SNX32: variants seen among roughly 807,000 people sequenced by gnomAD.
SNX32 encodes the protein sorting nexin 32.
In SNX32, 58 loss-of-function variants were observed where a neutral mutation model predicts 57.0. That is an observed-to-expected ratio of 1.02 (90% CI 0.82 to 1.27). The LOEUF (loss-of-function observed/expected upper bound fraction) is 1.27, where lower values mean the gene tolerates loss of function less well. Among genes scored for constraint, SNX32 ranks in the 50% most tolerant of loss-of-function variants. SNX32 has a pLI of 0.00. For synonymous variants in SNX32, 262 were observed against 220.4 expected, an observed-to-expected ratio of 1.19 and a Z score of -1.67; for missense variants, 589 against 541.2, an observed-to-expected ratio of 1.09 and a Z score of -0.88.
intron 1 of SNX32, among the ~76,000 whole-genome samples, chr11:65,842,949 CAAAAAAAAAAAAAA>C (rs922615169): frequency 1.2e-4 from 5 of 41,238 alleles, no homozygotes; most frequent in South Asian, 9.8e-4. Context: ...AACTCCATCT[CAAAAAAAAAAAAAA>C]AAAAAAAAAG....
intron 11 of SNX32, 34 bp downstream of exon 11, chr11:65,852,823 C>T (rs1859254135): frequency 1.9e-6 from 3 of 1,611,744 alleles, no homozygotes; most frequent in South Asian, 1.1e-5. Context: ...AGCCTGGGGC[C>T]ACATGCCCTG....
chr11:65,850,112 A>AGT (rs1200528495), intron 3 of SNX32, 38 bp from the exon 4 acceptor site: 3 of 1,614,098 alleles, frequency 1.9e-6, no homozygotes, highest in Non-Finnish European at 2.5e-6. Flanking sequence ...CCGTCTCGGC[A>AGT]GTGAGAGGCC....
chr11:65,834,681 C>T (rs1453180712), intron 1 of SNX32, among the ~76,000 whole-genome samples: 1 of 147,352 alleles, frequency 6.8e-6, no homozygotes, highest in East Asian at 2.0e-4. Context: ...TGTGTGCACG[C>T]ATGTGCCTGT....
chr11:65,852,685 C>CGCT lies in SNX32; in HGVS notation c.970_972dup (p.Leu324dup). The CGCT allele has an allele frequency of 6.3e-7, 1 of 1,597,014 alleles. No homozygotes were observed. Among genetic ancestry groups the CGCT allele is most frequent in the South Asian group, 1.1e-5 (1 of 89,998 alleles). On this transcript the variant is annotated inframe_insertion, in exon 11 of 13. Coordinates refer to ENST00000308342, the MANE Select transcript of SNX32 (RefSeq NM_152760.3). ...GCCGACTACGAGAATGCCAACAAGG[C>CGCT]GCTGGACAAGGCGCGCACCAGGAAC...
Position 65,853,443 on chromosome 11 carries a change from C to A in SNX32, c.*108C>A. The A allele has an allele frequency of 9.1e-7, 1 of 1,097,330 alleles. No individual in the cohort carries two copies. The highest frequency in any genetic ancestry group is 1.4e-6 in the Non-Finnish European group (1 of 724,956). The allele number at this position is 1,097,330 out of a possible 1,614,324, so 68.0% of individuals were successfully genotyped here. On this transcript the variant is annotated 3_prime_UTR_variant, in exon 13 of 13. Coordinates refer to ENST00000308342, the MANE Select transcript of SNX32 (RefSeq NM_152760.3). ...CCTTCCCTAGCAGTGCCACTAGCCA[C>A]ACCCTCACTCTGCCCCACATCCTCT...
At chr11:65,847,715 G>C (rs1859040208) in intron 1 of SNX32, among the ~76,000 whole-genome samples, 1 of 152,094 alleles carries the variant, frequency 6.6e-6, no homozygotes, top group African/African-American at 2.4e-5. Flanking sequence ...TTCAAGACCA[G>C]TCTGGCCAAC....
chr11:65,851,296 T>C (rs1859184846), intron 7 of SNX32, 32 bp from the exon 8 acceptor site: 1 of 1,613,022 alleles, frequency 6.2e-7, no homozygotes, highest in Non-Finnish European at 8.5e-7. Flanking sequence ...CATGCAGATG[T>C]AGGGGCTCTG....
intron 1 of SNX32, among the ~76,000 whole-genome samples, chr11:65,846,786 C>T (rs1565250272): frequency 2.6e-5 from 4 of 151,136 alleles, no homozygotes; most frequent in Admixed American, 2.0e-4. Flanking sequence ...GAGTTCAAGA[C>T]CAGCCTGACA....
Position 65,839,431 on chromosome 11 carries a change from G to A in SNX32, c.36+5330G>A, listed in dbSNP as rs549189616. On this transcript the variant is annotated intron_variant, in intron 1 of 12. Transcript: ENST00000308342. The stretch of plus-strand genomic sequence containing the variant: ...TTTTTAGTAGAGACGGGGTTTCACC[G>A]TTTTAGCCGGGATGGTCTCGATCTC... Among the ~76,000 whole-genome samples, 209 of 146,850 alleles carry A rather than the reference G, an allele frequency of 1.4e-3. 4 individuals are homozygous for A. The highest frequency in any genetic ancestry group is 2.4e-3 in the Non-Finnish European group (159 of 67,238).
Position 65,851,216 on chromosome 11 carries a change from C to A in SNX32, c.709+56C>A, listed in dbSNP as rs1030492065. On this transcript the variant is annotated intron_variant, in intron 7 of 12. Transcript: ENST00000308342. ...CCTGCCCCTCTCCCCAGCGGTTCAA[C>A]TCCTTGGGGGAGAGAAGAGAGCAGG... 9.4e-6 allele frequency: 15 copies of A among 1,597,782 alleles called. No individual in the cohort carries two copies. In the Admixed American group the frequency reaches 1.0e-4, roughly 11 times the overall value.
rs749207469 is a variant in SNX32, at chr11:65,852,910, T to A, written c.1110T>A (p.Phe370Leu). Residue 370 changes from phenylalanine (F) to leucine (L), a missense_variant, in exon 12 of 13, where the codon TTT becomes TTA. Phe to Leu is a conservative substitution (Grantham distance 22, BLOSUM62 0). Transcript: ENST00000308342. Reference protein sequence around the residue: ...MDFKSRRVSSFRKNLIELAEL... With the variant: ...MDFKSRRVSSLRKNLIELAEL... Reference sequence around the variant, plus strand: ...TCAAGTCCCGCCGGGTCTCCTCTTTTCGAAAGAATCTCATTGAGCTGGCAG... The same window carrying A: ...TCAAGTCCCGCCGGGTCTCCTCTTTACGAAAGAATCTCATTGAGCTGGCAG... 1 of 1,614,020 alleles carries A rather than the reference T, an allele frequency of 6.2e-7. No homozygotes were observed. Among genetic ancestry groups the A allele is most frequent in the Non-Finnish European group, 8.5e-7 (1 of 1,179,988 alleles).
intron 8 of SNX32, 88 bp from the exon 9 acceptor site, chr11:65,851,546 GGGGAGA>G: frequency 6.5e-7 from 1 of 1,549,160 alleles, no homozygotes. Flanking sequence ...GGGAAGGAAA[GGGGAGA>G]GGGAGATTCC....
At chr11:65,845,516 C>T (rs968341942) in intron 1 of SNX32, among the ~76,000 whole-genome samples, 1 of 151,890 alleles carries the variant, frequency 6.6e-6, no homozygotes, top group East Asian at 1.9e-4. Context: ...GTGGGCGGAT[C>T]ACCTGAGGTC....
intron 1 of SNX32, among the ~76,000 whole-genome samples, chr11:65,844,567 G>C (rs1230421619): frequency 1.3e-5 from 2 of 152,136 alleles, no homozygotes; most frequent in South Asian, 2.1e-4. Context: ...AGTCACCTTA[G>C]AAAACCGTTT....
At chr11:65,837,791 T>A (rs1287450118) in intron 1 of SNX32, among the ~76,000 whole-genome samples, 2 of 113,538 alleles carry the variant, frequency 1.8e-5, no homozygotes, top group Non-Finnish European at 3.4e-5. Context: ...CTGTACTCCA[T>A]CCTGGGCAAC....
At chr11:65,851,572 G>C in intron 8 of SNX32, 68 bp from the exon 9 acceptor site, 1 of 1,587,652 alleles carries the variant, frequency 6.3e-7, no homozygotes, top group Non-Finnish European at 8.6e-7. Flanking sequence ...CCAAGGAGAG[G>C]CTGAGACAGA....
In SNX32 at chr11:65,850,527, CT is replaced by C. The variant is rs748922515; in HGVS notation, c.474del (p.Phe158LeufsTer10). 3.1e-6 allele frequency: 5 copies of C among 1,612,550 alleles called. No individual in the cohort carries two copies. Among genetic ancestry groups the C allele is most frequent in the Middle Eastern group, 3.3e-4 (2 of 6,054 alleles). ...CCACCCTGCGTCGAGACCACAACTT[CT>C]TTGTGTTTTTGGAATATGGACAGGA... ...HPTLRRDHNF[F>X]VFLEYGQDLS... On this transcript the variant is annotated frameshift_variant, in exon 5 of 13. Transcript: ENST00000308342. LOFTEE classifies it high-confidence loss of function.
chr11:65,852,552 G>A lies in SNX32; in HGVS notation c.912+1G>A. 3 of 1,614,204 alleles carry A rather than the reference G, an allele frequency of 1.9e-6. No individual in the cohort carries two copies. Among genetic ancestry groups the A allele is most frequent in the Non-Finnish European group, 1.7e-6 (2 of 1,180,022 alleles). On this transcript the variant is annotated splice_donor_variant, in intron 10 of 12. Transcript: ENST00000308342. LOFTEE classifies it high-confidence loss of function. Reference sequence around the variant, plus strand: ...CATGCGTGACTCACAGGCAGCCAAGGTGAGAGGCAGCCCCAGCGCAGCGCT... The same window carrying A: ...CATGCGTGACTCACAGGCAGCCAAGATGAGAGGCAGCCCCAGCGCAGCGCT...
chr11:65,852,448 C>T lies in SNX32; in HGVS notation c.826-17C>T. 1 of 1,613,406 alleles carries T rather than the reference C, an allele frequency of 6.2e-7. No homozygotes were observed. The highest frequency in any genetic ancestry group is 8.5e-7 in the Non-Finnish European group (1 of 1,179,320). ...CTCTGACAAGCTCCCTTCCCAGTGC[C>T]CACCTTTCTGATGCAGAAGCTGGAG... On this transcript the variant is annotated splice_polypyrimidine_tract_variant and intron_variant, in intron 9 of 12. Transcript: ENST00000308342.
Sources: allele counts gnomAD v4.1 joint callset (sites outside exome capture counted in the v4.1 genomes callset), GRCh38; gene constraint gnomAD v4.1.1; transcripts MANE v1.5; gene names NCBI Gene and HGNC (gene_info 2026-07-23, HGNC 2026-07-21).